Variants in TPTE observed in about 807,000 individuals in gnomAD.
The protein encoded by TPTE is transmembrane phosphatase with tensin homology.
In TPTE, 59 loss-of-function variants were observed where a neutral mutation model predicts 84.1. That is an observed-to-expected ratio of 0.70 (90% CI 0.57 to 0.87). The LOEUF (loss-of-function observed/expected upper bound fraction) is 0.87. TPTE is among the 40% of genes least tolerant of loss of function. The probability of loss-of-function intolerance (pLI) is 0.00; values close to 1 mark genes in which losing one functional copy is unlikely to be tolerated. For missense variants in TPTE, 382 were observed against 659.6 expected (o/e 0.58, Z 4.61); for synonymous variants, 130 against 223.5 (o/e 0.58, Z 3.73).
intron 5 of TPTE, 88 bp from the exon 6 acceptor site, chr21:10,542,307 C>G: frequency 6.7e-7 from 1 of 1,500,526 alleles, no homozygotes; most frequent in Middle Eastern, 1.8e-4. Context: ...TAATTGGTTT[C>G]TGTCTAGAGT....
In TPTE at chr21:10,603,542, A is replaced by G; in HGVS notation, c.1450-20A>G. 6.2e-7 allele frequency: 1 copy of G among 1,605,912 alleles called. No individual in the cohort carries two copies. Among genetic ancestry groups the G allele is most frequent in the Non-Finnish European group, 8.5e-7 (1 of 1,175,312 alleles). ...AGTTCTTGGTATCAGTTTTACTTTG[A>G]AATTTTTTTTTCTTTTTAGAATCTT... On this transcript the variant is annotated intron_variant, in intron 22 of 23. Transcript: ENST00000618007.
chr21:10,530,424 G>A (rs1296015656), intron 3 of TPTE, among the ~76,000 whole-genome samples: 43 of 152,400 alleles, frequency 2.8e-4, no homozygotes, highest in African/African-American at 1.0e-3. Flanking sequence ...TTGCCTATAT[G>A]TTTTTAAATT....
intron 17 of TPTE, among the ~76,000 whole-genome samples, chr21:10,581,610 AT>A (rs1381423474): frequency 2.3e-3 from 344 of 151,256 alleles, no homozygotes; most frequent in African/African-American, 7.8e-3. Context: ...AATATTTTAT[AT>A]TGATTTATAG....
chr21:10,553,156 T>C (rs1278547712), intron 8 of TPTE, among the ~76,000 whole-genome samples: 7 of 152,308 alleles, frequency 4.6e-5, no homozygotes, highest in African/African-American at 1.4e-4. Context: ...TTTATGCTCA[T>C]TGGGATTTTA....
chr21:10,542,778 CATT>C (rs2145621069), intron 6 of TPTE, among the ~76,000 whole-genome samples: 1 of 152,414 alleles, frequency 6.6e-6, no homozygotes, highest in South Asian at 2.1e-4. Context: ...CAATTCGTCT[CATT>C]GTAGCATTTG....
intron 3 of TPTE, among the ~76,000 whole-genome samples, chr21:10,531,318 T>C (rs2074174715): frequency 6.6e-6 from 1 of 152,308 alleles, no homozygotes; most frequent in Non-Finnish European, 1.5e-5. Context: ...CTCTATTAGT[T>C]CTTGCAAGAG....
chr21:10,527,752 A>G (rs1376923647), intron 3 of TPTE, among the ~76,000 whole-genome samples: 2 of 152,312 alleles, frequency 1.3e-5, no homozygotes, highest in Non-Finnish European at 2.9e-5. Flanking sequence ...GAGACCCTGT[A>G]TCTGTCCCTC....
intron 3 of TPTE, among the ~76,000 whole-genome samples, chr21:10,530,595 T>C (rs1453126661): frequency 1.3e-5 from 2 of 152,308 alleles, no homozygotes; most frequent in African/African-American, 4.8e-5. Context: ...CTTCCTACCA[T>C]TTGCCTTCAC....
intron 17 of TPTE, among the ~76,000 whole-genome samples, chr21:10,586,444 T>C (rs2075367314): frequency 6.6e-6 from 1 of 152,308 alleles, no homozygotes; most frequent in East Asian, 1.9e-4. Flanking sequence ...TTTTTCTTTT[T>C]TAGTTCTTTG....
At chr21:10,551,257 A>AGGG (rs1350746661) in intron 7 of TPTE, among the ~76,000 whole-genome samples, 19 of 123,074 alleles carry the variant, frequency 1.5e-4, no homozygotes, top group African/African-American at 5.7e-4. Flanking sequence ...AGACACAGGA[A>AGGG]GGGGGACATC....
At chr21:10,548,767 C>A (rs1306429856) in intron 7 of TPTE, among the ~76,000 whole-genome samples, 6 of 152,310 alleles carry the variant, frequency 3.9e-5, no homozygotes, top group African/African-American at 1.4e-4. Context: ...CAGCTGTGTA[C>A]CCACATACCA....
At chr21:10,588,838 GT>G (rs1386825299) in intron 17 of TPTE, among the ~76,000 whole-genome samples, 69 of 152,278 alleles carry the variant, frequency 4.5e-4, no homozygotes, top group African/African-American at 1.4e-3. Context: ...TCCTTAGTGA[GT>G]TTTTTTTATT....
intron 18 of TPTE, among the ~76,000 whole-genome samples, chr21:10,590,902 G>T (rs551306957): frequency 1.3e-5 from 2 of 152,310 alleles, no homozygotes; most frequent in Non-Finnish European, 2.9e-5. Flanking sequence ...CAGGATTAAG[G>T]TGAGGGGAGT....
At chr21:10,566,780 C>T (rs1353893098) in intron 10 of TPTE, among the ~76,000 whole-genome samples, 2 of 152,298 alleles carry the variant, frequency 1.3e-5, no homozygotes, top group Non-Finnish European at 2.9e-5. Context: ...AGTTCGAGAC[C>T]AGCCTGACCA....
chr21:10,581,247 A>G (rs1406488884), intron 17 of TPTE, among the ~76,000 whole-genome samples: 2 of 152,312 alleles, frequency 1.3e-5, no homozygotes, highest in Non-Finnish European at 2.9e-5. Flanking sequence ...AATCATTTGA[A>G]ATTGCCAGTT....
intron 13 of TPTE, 87 bp downstream of exon 13, chr21:10,569,833 C>A: frequency 6.2e-7 from 1 of 1,611,456 alleles, no homozygotes; most frequent in South Asian, 1.1e-5. Flanking sequence ...AAGACACATT[C>A]ATTCAAAATA....
rs534445619 is a variant in TPTE, at chr21:10,552,160, G to A, written c.174-497G>A. ...ACCAATAAAGTAGTTTTTAATTAAG[G>A]TATATACATAAGTTTTTCGAACATA... On this transcript the variant is annotated intron_variant, in intron 7 of 23. Coordinates refer to ENST00000618007, the MANE Select transcript of TPTE (RefSeq NM_199261.4). Among the ~76,000 whole-genome samples, 12 of 152,426 alleles carry A rather than the reference G, an allele frequency of 7.9e-5. No homozygotes were observed. In the East Asian group the frequency reaches 1.9e-3, roughly 24 times the overall value.
Position 10,603,561 on chromosome 21 carries a change from G to T in TPTE, c.1450-1G>T. On this transcript the variant is annotated splice_acceptor_variant, in intron 22 of 23. Transcript: ENST00000618007. LOFTEE classifies it high-confidence loss of function. ...ACTTTGAAATTTTTTTTTCTTTTTA[G>T]AATCTTCCTACATACTATGACAATT... 1 of 1,608,116 alleles carries T rather than the reference G, an allele frequency of 6.2e-7. No homozygotes were observed. The highest frequency in any genetic ancestry group is 8.5e-7 in the Non-Finnish European group (1 of 1,177,444).
At chr21:10,554,974 C>T (rs1274712117) in intron 8 of TPTE, among the ~76,000 whole-genome samples, 3 of 152,310 alleles carry the variant, frequency 2.0e-5, no homozygotes, top group Non-Finnish European at 2.9e-5. Context: ...ATCATGGCCA[C>T]CTCCCTACCC....
Sources: gnomAD v4.1 joint callset for allele counts (sites outside exome capture counted in the v4.1 genomes callset) on GRCh38, gnomAD v4.1.1 for gene constraint, MANE v1.5 for transcripts, NCBI Gene and HGNC (gene_info 2026-07-23, HGNC 2026-07-21) for gene names.